Variants in ASCC1 observed in about 807,000 individuals in gnomAD.
The protein encoded by ASCC1 is ASC-1 complex subunit P50.
Under a neutral mutation model 46.6 loss-of-function variants are expected in ASCC1, and 35 were observed. The ratio of observed to expected loss-of-function variants is 0.75; its 90% CI spans 0.57 to 0.99. ASCC1 has a LOEUF of 0.99. Ranked by LOEUF, ASCC1 falls within the 50% of genes least tolerant of loss-of-function variation. The pLI, the probability that ASCC1 is intolerant of heterozygous loss-of-function variation, is 0.00. For missense variants in ASCC1, 376 were observed against 428.7 expected (o/e 0.88, Z 1.09); for synonymous variants, 143 against 146.6 (o/e 0.98, Z 0.18).
intron 7 of ASCC1, among the ~76,000 whole-genome samples, chr10:72,149,726 G>A (rs936356904): frequency 6.6e-6 from 1 of 152,114 alleles, no homozygotes; most frequent in Non-Finnish European, 1.5e-5. Context: ...GAAGGCATTT[G>A]GATACTTAGA....
chr10:72,177,283 C>T (rs1387447515), intron 5 of ASCC1, among the ~76,000 whole-genome samples: 1 of 152,096 alleles, frequency 6.6e-6, no homozygotes, highest in Non-Finnish European at 1.5e-5. Context: ...TACAATTTTC[C>T]TTACAACCAA....
At chr10:72,156,302 C>A (rs147023098) in intron 6 of ASCC1, among the ~76,000 whole-genome samples, 2 of 152,116 alleles carry the variant, frequency 1.3e-5, no homozygotes, top group East Asian at 1.9e-4. Flanking sequence ...TGAGGCCTCC[C>A]GAGAAGCCGA....
intron 5 of ASCC1, among the ~76,000 whole-genome samples, chr10:72,193,782 T>C (rs1047625598): frequency 1.4e-4 from 22 of 152,092 alleles, no homozygotes; most frequent in African/African-American, 5.3e-4. Flanking sequence ...CCTCTTACTG[T>C]ATATCAAAAC....
At chr10:72,129,749 T>C (rs1349834920) in intron 8 of ASCC1, among the ~76,000 whole-genome samples, 3 of 150,648 alleles carry the variant, frequency 2.0e-5, no homozygotes, top group Non-Finnish European at 4.4e-5. Flanking sequence ...GAGGTTGCAG[T>C]GAGCCAAGAT....
At chr10:72,134,062 C>T (rs913060488) in intron 7 of ASCC1, 1 of 152,232 alleles carries the variant, frequency 6.6e-6, no homozygotes, top group African/African-American at 2.4e-5. Context: ...AGGCTGATCA[C>T]TTGAGGTCAG....
chr10:72,096,939 T>C lies in ASCC1; in HGVS notation c.*395A>G, dbSNP rs1270978929. The C allele has an allele frequency of 2.2e-6, 1 of 454,324 alleles. No individual in the cohort carries two copies. Among genetic ancestry groups the C allele is most frequent in the Admixed American group, 2.3e-5 (1 of 42,576 alleles). The allele number at this position is 454,324 out of a possible 1,614,324, so 28.1% of individuals were successfully genotyped here. A position where few individuals can be genotyped will look rare whatever the true frequency, so the allele number is the denominator to read the frequency against. On this transcript the variant is annotated 3_prime_UTR_variant, in exon 10 of 10. Coordinates refer to ENST00000672957, the MANE Select transcript of ASCC1 (RefSeq NM_001198800.3). The stretch of plus-strand genomic sequence containing the variant: ...GGAATTACTGTTTAATGGGTACAGT[T>C]TCCATTTTACAAGCTGAGAAGCCTA...
Position 72,132,921 on chromosome 10 carries a change from T to C in ASCC1, c.871+136A>G. 3 of 1,063,872 alleles carry C rather than the reference T, an allele frequency of 2.8e-6. 1 individual carries two copies. Among genetic ancestry groups the C allele is most frequent in the South Asian group, 2.7e-5 (2 of 73,564 alleles). 65.9% of individuals were successfully genotyped at this position (1,063,872 alleles called of 1,614,324 possible). Reference sequence around the variant, plus strand: ...TATATGTTCTTGCCCACCTCTACTATGCTCATCAGAATAAGCTAAGAGGTC... The same window carrying C: ...TATATGTTCTTGCCCACCTCTACTACGCTCATCAGAATAAGCTAAGAGGTC... On this transcript the variant is annotated intron_variant, in intron 8 of 9. Transcript: ENST00000672957.
chr10:72,147,186 C>T (rs1589342543), intron 7 of ASCC1, among the ~76,000 whole-genome samples: 1 of 151,618 alleles, frequency 6.6e-6, no homozygotes, highest in South Asian at 2.1e-4. Context: ...TAGAGCAGTA[C>T]AAGAGGTGAG....
intron 9 of ASCC1, among the ~76,000 whole-genome samples, chr10:72,108,268 G>C (rs1482259853): frequency 2.0e-5 from 3 of 151,364 alleles, no homozygotes; most frequent in African/African-American, 7.3e-5. Context: ...ATAGAGACAG[G>C]GTTTTTCCAT....
chr10:72,128,354 T>C (rs1043699003), intron 8 of ASCC1, among the ~76,000 whole-genome samples, 187 bp from the exon 9 acceptor site: 3 of 152,226 alleles, frequency 2.0e-5, no homozygotes, highest in Non-Finnish European at 4.4e-5. Flanking sequence ...CTGTCAACAA[T>C]TCATTCAGTA....
At position 72,116,424 on chromosome 10, in the gene ASCC1, T is replaced by TTG. The variant is rs1265414449; in HGVS notation, c.957+11657_957+11658insCA. Among the ~76,000 whole-genome samples the TTG allele has an allele frequency of 5.9e-5, 9 of 152,242 alleles. No individual in the cohort carries two copies. In the East Asian group the frequency reaches 1.7e-3, roughly 29 times the overall value. ...AAGCAAAGTACAATATAAGCTCACT[T>TTG]AACAGAGTTCCTGTTTAAAATTCAT... is the stretch of plus-strand genomic sequence containing the variant. On this transcript the variant is annotated intron_variant, in intron 9 of 9. Coordinates refer to ENST00000672957, the MANE Select transcript of ASCC1 (RefSeq NM_001198800.3).
intron 7 of ASCC1, among the ~76,000 whole-genome samples, chr10:72,135,636 T>C (rs886942810): frequency 5.9e-5 from 9 of 151,856 alleles, no homozygotes; most frequent in African/African-American, 2.2e-4. Flanking sequence ...GTGGGAGCTT[T>C]TGGAGGGTGT....
chr10:72,131,930 G>GC lies in ASCC1; in HGVS notation c.871+1126dup, dbSNP rs550169752. ...TCTTGCTCTGTTGCCAGGCTGGAGT[G>GC]CGATCTCGGCACACTGTAACCTCCG... On this transcript the variant is annotated intron_variant, in intron 8 of 9. Transcript: ENST00000672957. 3.8e-4 allele frequency among the ~76,000 whole-genome samples: 56 copies of GC among 145,786 alleles called. No homozygotes were observed. In the South Asian group the frequency reaches 0.012, roughly 31 times the overall value.
intron 9 of ASCC1, among the ~76,000 whole-genome samples, chr10:72,122,189 G>C (rs894626783): frequency 1.3e-5 from 2 of 152,196 alleles, no homozygotes; most frequent in African/African-American, 2.4e-5. Context: ...GGGATGCCAA[G>C]GTGGGCGGAT....
At chr10:72,163,729 ACT>A (rs968156899) in intron 5 of ASCC1, among the ~76,000 whole-genome samples, 6 of 151,064 alleles carry the variant, frequency 4.0e-5, no homozygotes, top group African/African-American at 1.5e-4. Flanking sequence ...AGTGAGACTC[ACT>A]CTGTCTCCAA....
intron 4 of ASCC1, among the ~76,000 whole-genome samples, chr10:72,198,902 C>T (rs965219433): frequency 1.3e-5 from 2 of 151,974 alleles, no homozygotes; most frequent in Non-Finnish European, 2.9e-5. Flanking sequence ...CTGCAACCTC[C>T]GCCTCCCAGG....
intron 8 of ASCC1, among the ~76,000 whole-genome samples, chr10:72,131,476 A>ACACACACT (rs1455597730): frequency 2.7e-5 from 4 of 145,952 alleles, no homozygotes; most frequent in Non-Finnish European, 6.1e-5. Context: ...ACACACACAC[A>ACACACACT]CTCAACTGGA....
At chr10:72,163,152 C>G (rs1849908782) in intron 5 of ASCC1, among the ~76,000 whole-genome samples, 1 of 151,992 alleles carries the variant, frequency 6.6e-6, no homozygotes, top group Non-Finnish European at 1.5e-5. Context: ...AAATTGGAAC[C>G]CTCATACATT....
intron 5 of ASCC1, among the ~76,000 whole-genome samples, chr10:72,192,394 G>C (rs1854652707): frequency 6.6e-6 from 1 of 151,620 alleles, no homozygotes; most frequent in South Asian, 2.1e-4. Context: ...GGCGAAGGTT[G>C]CAGTGAGCCA....
Sources: allele counts gnomAD v4.1 joint callset (sites outside exome capture counted in the v4.1 genomes callset), GRCh38; gene constraint gnomAD v4.1.1; transcripts MANE v1.5; gene names NCBI Gene and HGNC (gene_info 2026-07-23, HGNC 2026-07-21).